FRMD4B: variants seen among roughly 807,000 people sequenced by gnomAD.
FRMD4B encodes the protein FERM domain containing 4B.
In FRMD4B, 74 loss-of-function variants were observed where a neutral mutation model predicts 141.5. That is an observed-to-expected ratio of 0.52 (90% CI 0.43 to 0.63). The LOEUF (loss-of-function observed/expected upper bound fraction) is 0.63. Ranked by LOEUF, FRMD4B falls within the 30% of genes least tolerant of loss-of-function variation. FRMD4B has a pLI of 0.00. For missense variants in FRMD4B, 1,366 were observed against 1,253.4 expected, an observed-to-expected ratio of 1.09 and a Z score of -1.36; for synonymous variants, 506 against 467.9, an observed-to-expected ratio of 1.08 and a Z score of -1.05.
chr3:69,334,055 A>T (rs1702463251), intron 1 of FRMD4B: 1 of 152,180 alleles, frequency 6.6e-6, no homozygotes, highest in African/African-American at 2.4e-5. Context: ...AAGTGTCTAG[A>T]GTGTGCTGGC....
rs144930943 is a variant in FRMD4B at position 69,281,094 on chromosome 3, C to A, written c.501+6658G>T. ...TACAGCCATGCACCACTATGCCCGG[C>A]TAATGTTTTTTGTATTTTTAGTAGA... is the stretch of plus-strand genomic sequence containing the variant. On this transcript the variant is annotated intron_variant, in intron 5 of 22. Coordinates refer to ENST00000398540, the MANE Select transcript of FRMD4B (RefSeq NM_015123.3). 7.5e-4 allele frequency among the ~76,000 whole-genome samples: 114 copies of A among 152,172 alleles called. No homozygotes were observed. The East Asian group carries it at 0.02, about 27-fold the overall frequency.
intron 2 of FRMD4B, among the ~76,000 whole-genome samples, chr3:69,405,609 G>A (rs1027051184): frequency 2.6e-5 from 4 of 152,210 alleles, no homozygotes; most frequent in African/African-American, 7.2e-5. Flanking sequence ...AGAAGCAGCC[G>A]ATGTTCTCTA....
At chr3:69,362,847 T>C (rs1703510331) in intron 1 of FRMD4B, among the ~76,000 whole-genome samples, 1 of 152,208 alleles carries the variant, frequency 6.6e-6, no homozygotes, top group African/African-American at 2.4e-5. Flanking sequence ...ACATTTTCCT[T>C]ATATCAGCAC....
chr3:69,377,985 T>TA (rs1704018391), intron 1 of FRMD4B, among the ~76,000 whole-genome samples: 1 of 150,666 alleles, frequency 6.6e-6, no homozygotes, highest in South Asian at 2.1e-4. Context: ...TAATTTTTTT[T>TA]TTTTTTTGTA....
intron 1 of FRMD4B, among the ~76,000 whole-genome samples, chr3:69,470,480 G>A (rs1319578282): frequency 6.6e-6 from 1 of 151,038 alleles, no homozygotes; most frequent in Non-Finnish European, 1.5e-5. Context: ...TCTTTGGTAT[G>A]TCCAAAGAAC....
intron 11 of FRMD4B, chr3:69,200,990 A>T: frequency 2.7e-6 from 1 of 366,292 alleles, no homozygotes; most frequent in Non-Finnish European, 5.5e-6. Flanking sequence ...GACTCCATTC[A>T]GCCTGTCCCT....
chr3:69,263,205 C>T (rs188139101), intron 5 of FRMD4B, among the ~76,000 whole-genome samples: 6 of 151,954 alleles, frequency 3.9e-5, no homozygotes, highest in East Asian at 1.9e-4. Context: ...TGCAGTGAGC[C>T]GAGTTTGTGC....
At chr3:69,195,920 T>C (rs1365550640) in intron 14 of FRMD4B, among the ~76,000 whole-genome samples, 1 of 152,186 alleles carries the variant, frequency 6.6e-6, no homozygotes, top group Non-Finnish European at 1.5e-5. Context: ...TTGTATAGCA[T>C]TTTATATTGC....
At chr3:69,540,350 C>T (rs1479490610) in intron 1 of FRMD4B, among the ~76,000 whole-genome samples, 1 of 151,822 alleles carries the variant, frequency 6.6e-6, no homozygotes, top group Admixed American at 6.6e-5. Context: ...TGCCGCGGCT[C>T]ACCCCTGTAA....
At chr3:69,535,256 C>A (rs1701067282) in intron 1 of FRMD4B, among the ~76,000 whole-genome samples, 1 of 152,212 alleles carries the variant, frequency 6.6e-6, no homozygotes, top group Non-Finnish European at 1.5e-5. Context: ...AAATACTAGT[C>A]AACATGCAGA....
At chr3:69,436,067 C>G (rs1705254752) in intron 1 of FRMD4B, among the ~76,000 whole-genome samples, 2 of 152,174 alleles carry the variant, frequency 1.3e-5, no homozygotes, top group African/African-American at 4.8e-5. Flanking sequence ...CCACCTCCTA[C>G]TCACTTGTTG....
chr3:69,322,105 C>T (rs976547607), intron 1 of FRMD4B, among the ~76,000 whole-genome samples: 4 of 152,334 alleles, frequency 2.6e-5, no homozygotes, highest in African/African-American at 9.6e-5. Context: ...AAAAAACACT[C>T]TTTCCACCCA....
chr3:69,196,228 GCACGTTCTCTAATCC>G lies in FRMD4B; in HGVS notation c.1234+12_1234+26del, dbSNP rs1239477635. On this transcript the variant is annotated intron_variant, in intron 14 of 22. Coordinates refer to ENST00000398540, the MANE Select transcript of FRMD4B (RefSeq NM_015123.3). ...AAAACAAACGAAATAAAGATGGCTT[GCACGTTCTCTAATCC>G]CAAGATGTTACCTGAGGAGATTAAA... The G allele has an allele frequency of 2.0e-6, 3 of 1,538,016 alleles. No individual in the cohort carries two copies. In the African/African-American group the frequency reaches 4.2e-5, roughly 22 times the overall value.
intron 2 of FRMD4B, among the ~76,000 whole-genome samples, chr3:69,399,032 T>A (rs532961748): frequency 2.6e-5 from 4 of 152,070 alleles, no homozygotes; most frequent in African/African-American, 9.7e-5. Flanking sequence ...CATGGTAAAA[T>A]TGGATTTAAA....
At chr3:69,438,572 G>A (rs911711783) in intron 1 of FRMD4B, among the ~76,000 whole-genome samples, 9 of 152,184 alleles carry the variant, frequency 5.9e-5, no homozygotes, top group Admixed American at 5.9e-4. Flanking sequence ...TTGCTTAGGT[G>A]ACAATTTCAA....
chr3:69,533,102 C>T (rs1229862305), intron 1 of FRMD4B, among the ~76,000 whole-genome samples: 3 of 152,164 alleles, frequency 2.0e-5, no homozygotes, highest in Non-Finnish European at 4.4e-5. Flanking sequence ...GTCAGCAAGG[C>T]AGAAAGGAAT....
chr3:69,463,883 G>A (rs1705740973), intron 1 of FRMD4B, among the ~76,000 whole-genome samples: 1 of 152,184 alleles, frequency 6.6e-6, no homozygotes, highest in Admixed American at 6.5e-5. Context: ...GCTTTGAAAG[G>A]CTATTAGAGA....
At chr3:69,516,543 C>T (rs886981670) in intron 1 of FRMD4B, among the ~76,000 whole-genome samples, 1 of 152,202 alleles carries the variant, frequency 6.6e-6, no homozygotes, top group Non-Finnish European at 1.5e-5. Flanking sequence ...GGAACTTCCA[C>T]AAGGAATGCA....
chr3:69,500,966 C>A (rs1706485685), intron 1 of FRMD4B, among the ~76,000 whole-genome samples: 1 of 151,994 alleles, frequency 6.6e-6, no homozygotes, highest in African/African-American at 2.4e-5. Flanking sequence ...CCCCTCCTAC[C>A]AAAAAAGAAG....
Sources: allele counts gnomAD v4.1 joint callset (sites outside exome capture counted in the v4.1 genomes callset), GRCh38; gene constraint gnomAD v4.1.1; transcripts MANE v1.5; gene names NCBI Gene and HGNC (gene_info 2026-07-23, HGNC 2026-07-21).